ZFP1: variants seen among roughly 807,000 people sequenced by gnomAD.
ZFP1 encodes ZFP1 zinc finger protein, also known as zinc finger protein 1 homolog.
Under a neutral mutation model 38.5 loss-of-function variants are expected in ZFP1, and 32 were observed. The ratio of observed to expected loss-of-function variants is 0.83; its 90% CI spans 0.63 to 1.12. The LOEUF is 1.12. ZFP1 is among the 50% of genes most tolerant of loss of function. The pLI, the probability that ZFP1 is intolerant of heterozygous loss-of-function variation, is 0.00. For synonymous variants in ZFP1, 245 were observed against 168.8 expected (o/e 1.45, Z -3.50); for missense variants, 616 against 480.8 (o/e 1.28, Z -2.63).
chr16:75,170,575 A>T lies in ZFP1; in HGVS notation c.*241A>T. The stretch of plus-strand genomic sequence containing the variant: ...AATAGCCATACCCAGTTGTACTACA[A>T]TGAGCTTTTTAAAATCTTGAATGAA... On this transcript the variant is annotated 3_prime_UTR_variant, in exon 4 of 4. Coordinates refer to ENST00000570010, the MANE Select transcript of ZFP1 (RefSeq NM_153688.4). 4.4e-6 allele frequency: 2 copies of T among 459,548 alleles called. No individual in the cohort carries two copies. The highest frequency in any genetic ancestry group is 7.3e-5 in the East Asian group (2 of 27,212). 28.5% of individuals were successfully genotyped at this position (459,548 alleles called of 1,614,324 possible).
At position 75,169,363 on chromosome 16, in the gene ZFP1, C is replaced by G. The variant is rs746269292; in HGVS notation, c.253C>G (p.Leu85Val). 4 of 1,614,044 alleles carry G rather than the reference C, an allele frequency of 2.5e-6. No homozygotes were observed. Among genetic ancestry groups the G allele is most frequent in the Non-Finnish European group, 8.5e-7 (1 of 1,180,018 alleles). The change falls in exon 4 of 4, where the codon CTC becomes GTC. Residue 85 changes from leucine (L) to valine (V), a missense_variant. Coordinates refer to ENST00000570010, the MANE Select transcript of ZFP1 (RefSeq NM_153688.4). ...NQTPIEERGD[L>V]FGKALNLNTD... ...AACCCCAATTGAGGAAAGAGGCGATCTCTTTGGAAAAGCACTTAATCTGAA... is the reference window on the plus strand; with the variant it reads ...AACCCCAATTGAGGAAAGAGGCGATGTCTTTGGAAAAGCACTTAATCTGAA...
At chr16:75,153,025 G>T (rs1240858729) in intron 2 of ZFP1, 59 bp downstream of exon 2, 2 of 1,590,988 alleles carry the variant, frequency 1.3e-6, no homozygotes, top group African/African-American at 2.7e-5. Context: ...AGTTTATAAG[G>T]ATCCAGAAAA....
chr16:75,122,183 G>A, the ZFP1 span, among the ~76,000 whole-genome samples: 287 of 152,358 alleles, frequency 1.9e-3, 2 homozygotes, highest in African/African-American at 6.8e-3. Context: ...CAGGGGAGGG[G>A]CAGGAGTTCT....
rs1047943502 is a variant in ZFP1, at chr16:75,170,676, C to G, written c.*342C>G. 3.6e-5 allele frequency: 7 copies of G among 192,238 alleles called. No individual in the cohort carries two copies. The highest frequency in any genetic ancestry group is 7.5e-5 in the Non-Finnish European group (7 of 93,744). The allele number at this position is 192,238 out of a possible 1,614,324, so 11.9% of individuals were successfully genotyped here. A position where few individuals can be genotyped will look rare whatever the true frequency, so the allele number is the denominator to read the frequency against. On this transcript the variant is annotated 3_prime_UTR_variant, in exon 4 of 4. Coordinates refer to ENST00000570010, the MANE Select transcript of ZFP1 (RefSeq NM_153688.4). Reference sequence around the variant, plus strand: ...ATTTAGTGGTTTTATGTGGATATGCCACAAAACACAAGTGGTATGCTTTAG... The same window carrying G: ...ATTTAGTGGTTTTATGTGGATATGCGACAAAACACAAGTGGTATGCTTTAG...
intron 2 of ZFP1, among the ~76,000 whole-genome samples, chr16:75,161,757 A>AATATATATATAT (rs1338490455): frequency 0.023 from 325 of 14,220 alleles, 37 homozygotes; most frequent in Middle Eastern, 0.17. Flanking sequence ...AGTTTTATGA[A>AATATATATATAT]ATATATATAT....
chr16:75,143,647 CTTTTTTTTTT>C (rs386385080), upstream of ZFP1, among the ~76,000 whole-genome samples: 1 of 93,794 alleles, frequency 1.1e-5, no homozygotes, highest in South Asian at 4.1e-4. Flanking sequence ...GGAGGTGAAT[CTTTTTTTTTT>C]TTTTTTTTTT....
the ZFP1 span, among the ~76,000 whole-genome samples, chr16:75,123,455 G>GTATGTATATATATATA: frequency 1.4e-4 from 12 of 87,282 alleles, no homozygotes; most frequent in South Asian, 4.0e-4. Flanking sequence ...GTGTGTATAT[G>GTATGTATATATATATA]TATATATATA....
the ZFP1 span, among the ~76,000 whole-genome samples, chr16:75,142,517 T>C: frequency 1.2e-4 from 19 of 152,214 alleles, no homozygotes; most frequent in Non-Finnish European, 2.6e-4. Context: ...CTCACCAATC[T>C]GAGCTTGCTA....
intron 2 of ZFP1, among the ~76,000 whole-genome samples, chr16:75,155,568 A>C (rs563802978): frequency 6.6e-6 from 1 of 152,368 alleles, no homozygotes; most frequent in African/African-American, 2.4e-5. Flanking sequence ...GTATTAAGAC[A>C]TAACACTCTT....
intron 2 of ZFP1, among the ~76,000 whole-genome samples, chr16:75,161,976 G>T (rs557299188): frequency 1.3e-5 from 2 of 149,956 alleles, no homozygotes; most frequent in Admixed American, 1.3e-4. Context: ...GTAGAGAAAG[G>T]GTTTCCCCAT....
chr16:75,147,951 G>T (rs968693105), upstream of ZFP1, among the ~76,000 whole-genome samples: 3 of 152,156 alleles, frequency 2.0e-5, no homozygotes, highest in African/African-American at 7.2e-5. Context: ...TGATGCACAT[G>T]TTAATTAGCT....
the ZFP1 span, chr16:75,119,577 C>T: frequency 6.6e-6 from 1 of 152,140 alleles, no homozygotes; most frequent in African/African-American, 2.4e-5. Context: ...TGAAACCCAT[C>T]CCTAGGTAAG....
chr16:75,121,586 G>C, the ZFP1 span, among the ~76,000 whole-genome samples: 8 of 152,108 alleles, frequency 5.3e-5, no homozygotes, highest in Admixed American at 5.2e-4. Flanking sequence ...GCTGACAACT[G>C]CCTAGGGTTG....
At chr16:75,129,322 A>G in the ZFP1 span, among the ~76,000 whole-genome samples, 1 of 152,254 alleles carries the variant, frequency 6.6e-6, no homozygotes, top group Non-Finnish European at 1.5e-5. Flanking sequence ...ACCTGAGATC[A>G]GAGACTGATT....
chr16:75,136,093 G>C, the ZFP1 span, among the ~76,000 whole-genome samples: 2 of 152,312 alleles, frequency 1.3e-5, no homozygotes, highest in South Asian at 2.1e-4. Flanking sequence ...TGGGATTATA[G>C]GCATGAGCCA....
At chr16:75,159,517 C>T (rs1053959475) in intron 2 of ZFP1, among the ~76,000 whole-genome samples, 1 of 151,460 alleles carries the variant, frequency 6.6e-6, no homozygotes, top group Non-Finnish European at 1.5e-5. Context: ...AGGCAACCCT[C>T]CCACCCCAGC....
At chr16:75,121,477 C>T in the ZFP1 span, among the ~76,000 whole-genome samples, 1 of 152,140 alleles carries the variant, frequency 6.6e-6, no homozygotes, top group Non-Finnish European at 1.5e-5. Context: ...CTCCCTCTGG[C>T]ACCATCAGAC....
chr16:75,167,610 CTTTT>C (rs982060257), intron 3 of ZFP1, among the ~76,000 whole-genome samples: 1 of 151,914 alleles, frequency 6.6e-6, no homozygotes, highest in Non-Finnish European at 1.5e-5. Context: ...TTGGTAGAAT[CTTTT>C]TTTGAGACAG....
At chr16:75,166,599 ATC>A (rs2038096136) in intron 2 of ZFP1, 169 bp from the exon 3 acceptor site, 1 of 985,134 alleles carries the variant, frequency 1.0e-6, no homozygotes, top group Admixed American at 6.2e-5. Context: ...ATCTGAATAA[ATC>A]TCAACTATTT....
Sources: gnomAD v4.1 joint callset for allele counts (sites outside exome capture counted in the v4.1 genomes callset) on GRCh38, gnomAD v4.1.1 for gene constraint, MANE v1.5 for transcripts, NCBI Gene and HGNC (gene_info 2026-07-23, HGNC 2026-07-21) for gene names.